The following ARSF variants were observed in gnomAD, a reference collection of about 807,000 sequenced individuals.
The protein encoded by ARSF is arylsulfatase F.
ARSF carries 33 observed loss-of-function variants against 35.4 expected under a neutral mutation model. That is an observed-to-expected ratio of 0.93 (90% CI 0.71 to 1.25). The LOEUF is 1.25. Among genes scored for constraint, ARSF ranks in the 50% most tolerant of loss-of-function variants. The probability of loss-of-function intolerance (pLI) is 0.00; values close to 1 mark genes in which losing one functional copy is unlikely to be tolerated. For missense variants in ARSF, 501 were observed against 480.2 expected (o/e 1.04, Z -0.40); for synonymous variants, 222 against 193.1 (o/e 1.15, Z -1.24).
At chrX:3,041,777 A>G (rs1424534285) in intron 1 of ARSF, 114 bp downstream of exon 1, 1 of 112,504 alleles carries the variant, frequency 8.9e-6, no homozygotes, top group East Asian at 2.8e-4. Flanking sequence ...ATGTGTGCAC[A>G]TATACATTTT....
At chrX:3,054,616 C>T (rs965370321) in intron 1 of ARSF, among the ~76,000 whole-genome samples, 3 of 110,856 alleles carry the variant, frequency 2.7e-5, no homozygotes, top group African/African-American at 9.8e-5. Context: ...CCTCTTAAAA[C>T]CCATGAAGTC....
chrX:3,104,521 C>T lies in ARSF; in HGVS notation c.1265+597C>T, dbSNP rs140146031. Among the ~76,000 whole-genome samples, 117 of 112,239 alleles carry T rather than the reference C, an allele frequency of 1.0e-3. No individual in the cohort carries two copies. The East Asian group carries it at 0.015, about 14-fold the overall frequency. ...AGCTTGGCTATTGTGAAGAGTGCTG[C>T]GATAAACATGGAAATGCAGCTATTC... On this transcript the variant is annotated intron_variant, in intron 9 of 10. Transcript: ENST00000381127.
In ARSF at chrX:3,041,606, C is replaced by T. The variant is rs2089955995; in HGVS notation, c.-86C>T. On this transcript the variant is annotated 5_prime_UTR_variant, in exon 1 of 11. Transcript: ENST00000381127. ...ACTCCTGGCCCTTCTGTTACTTTTC[C>T]ACTGCTGTTGAGATAGAAGTCACTG... The T allele has an allele frequency of 8.9e-6, 1 of 111,747 alleles. No individual in the cohort carries two copies. Among genetic ancestry groups the T allele is most frequent in the South Asian group, 3.7e-4 (1 of 2,697 alleles). The allele number at this position is 111,747 out of a possible 1,213,427, so 9.2% of individuals were successfully genotyped here.
At chrX:3,092,111 A>G (rs1335067113) in intron 7 of ARSF, among the ~76,000 whole-genome samples, 1 of 110,403 alleles carries the variant, frequency 9.1e-6, no homozygotes, top group African/African-American at 3.3e-5. Flanking sequence ...GATAGATAAG[A>G]TAGATAGATG....
intron 2 of ARSF, among the ~76,000 whole-genome samples, chrX:3,069,037 A>G (rs2090085084): frequency 1.8e-5 from 2 of 111,915 alleles, no homozygotes; most frequent in Non-Finnish European, 3.8e-5. Context: ...TATAGACATG[A>G]GATAGGAATT....
chrX:3,052,583 C>T (rs1444120796), intron 1 of ARSF, among the ~76,000 whole-genome samples: 2 of 109,053 alleles, frequency 1.8e-5, no homozygotes, highest in African/African-American at 6.7e-5. Context: ...AATCACAATA[C>T]GTTGGGAGGC....
chrX:3,053,417 C>T (rs1460623934), intron 1 of ARSF, among the ~76,000 whole-genome samples: 1 of 106,570 alleles, frequency 9.4e-6, no homozygotes, highest in African/African-American at 3.4e-5. Context: ...CAAACTCTGC[C>T]TCCCAAATTC....
At chrX:3,089,290 C>G (rs1163285681) in intron 6 of ARSF, among the ~76,000 whole-genome samples, 2 of 111,358 alleles carry the variant, frequency 1.8e-5, no homozygotes, top group African/African-American at 6.5e-5. Context: ...GTTTCAGTAG[C>G]ATTACCAAAG....
chrX:3,087,369 C>T (rs73193040), intron 6 of ARSF, among the ~76,000 whole-genome samples: 7,828 of 103,864 alleles, frequency 0.075, 285 homozygotes, highest in Non-Finnish European at 0.11. Flanking sequence ...CTGCCCTTCC[C>T]CACTCCTGGT....
chrX:3,059,726 G>GC (rs1225794801), intron 1 of ARSF, among the ~76,000 whole-genome samples: 1 of 112,646 alleles, frequency 8.9e-6, no homozygotes, highest in East Asian at 2.8e-4. Flanking sequence ...CAGCAGCCTG[G>GC]CTGGGGGGGT....
intron 3 of ARSF, among the ~76,000 whole-genome samples, chrX:3,073,738 TATGA>T (rs1445847687): frequency 2.1e-5 from 2 of 95,447 alleles, no homozygotes; most frequent in African/African-American, 7.2e-5. Flanking sequence ...AATAAATATG[TATGA>T]ATTTATGAAT....
chrX:3,095,631 A>C (rs1233700539), intron 7 of ARSF, among the ~76,000 whole-genome samples: 1 of 110,114 alleles, frequency 9.1e-6, no homozygotes, highest in African/African-American at 3.3e-5. Flanking sequence ...TTATGTGTTA[A>C]AGTATGTATT....
intron 7 of ARSF, among the ~76,000 whole-genome samples, chrX:3,091,545 T>A (rs1396376290): frequency 1.8e-5 from 2 of 112,893 alleles, no homozygotes. Context: ...GAAATATATG[T>A]CACTAAATAG....
intron 6 of ARSF, among the ~76,000 whole-genome samples, chrX:3,085,360 A>ATAT (rs1569141942): frequency 6.8e-5 from 7 of 103,454 alleles, no homozygotes; most frequent in African/African-American, 2.1e-4. Flanking sequence ...CATATAGATA[A>ATAT]ATATATATAT....
intron 7 of ARSF, among the ~76,000 whole-genome samples, chrX:3,091,485 T>C (rs193053851): frequency 8.9e-6 from 1 of 112,707 alleles, no homozygotes; most frequent in Non-Finnish European, 1.9e-5. Context: ...AACTCACATA[T>C]ATGCAGGACA....
chrX:3,108,371 A>G (rs1346225752), intron 9 of ARSF, among the ~76,000 whole-genome samples: 2 of 112,315 alleles, frequency 1.8e-5, no homozygotes, highest in African/African-American at 3.2e-5. Context: ...CTTTAAATCT[A>G]TAGATCAATT....
chrX:3,069,148 T>C (rs2090085622), intron 2 of ARSF, among the ~76,000 whole-genome samples: 1 of 111,584 alleles, frequency 9.0e-6, no homozygotes, highest in Non-Finnish European at 1.9e-5. Flanking sequence ...TGACCTCAGC[T>C]GGGACTGAGC....
At chrX:3,057,751 A>G (rs1297731967) in intron 1 of ARSF, among the ~76,000 whole-genome samples, 1 of 111,791 alleles carries the variant, frequency 8.9e-6, no homozygotes, top group Admixed American at 9.6e-5. Context: ...TCCTTAGGGG[A>G]GCTTTATCTT....
chrX:3,090,149 C>A (rs1406039724), intron 7 of ARSF, among the ~76,000 whole-genome samples: 2 of 111,526 alleles, frequency 1.8e-5, no homozygotes, highest in Admixed American at 9.6e-5. Flanking sequence ...GTTATGCTCC[C>A]ACTTATTTTG....
Sources: allele counts gnomAD v4.1 joint callset (sites outside exome capture counted in the v4.1 genomes callset), GRCh38; gene constraint gnomAD v4.1.1; transcripts MANE v1.5; gene names NCBI Gene and HGNC (gene_info 2026-07-23, HGNC 2026-07-21).